ELAVL2: variants seen among roughly 807,000 people sequenced by gnomAD.
ELAVL2 encodes ELAV like RNA binding protein 2.
Under a neutral mutation model 34.6 loss-of-function variants are expected in ELAVL2, and 4 were observed. That is an observed-to-expected ratio of 0.12 (90% confidence interval 0.06 to 0.26). The LOEUF is 0.26. Ranked by LOEUF, ELAVL2 falls within the 10% of genes least tolerant of loss-of-function variation. ELAVL2 has a pLI of 1.00. For synonymous variants in ELAVL2, 193 were observed against 154.8 expected, an observed-to-expected ratio of 1.25 and a Z score of -1.83; for missense variants, 432 against 442.8, an observed-to-expected ratio of 0.98 and a Z score of 0.22.
chr9:23,826,644 G>T (rs1024079846), upstream of ELAVL2, among the ~76,000 whole-genome samples: 28 of 152,320 alleles, frequency 1.8e-4, no homozygotes, highest in East Asian at 1.5e-3. Context: ...GATATGGCAC[G>T]ATCTCCTTTC....
rs552643138 is a variant in ELAVL2 at position 23,743,495 on chromosome 9, T to C, written c.230-12370A>G. Among the ~76,000 whole-genome samples the C allele has an allele frequency of 3.3e-5, 5 of 152,294 alleles. No individual in the cohort carries two copies. The South Asian group carries it at 6.2e-4, about 19-fold the overall frequency. ...TGGCACCATCCACATCAGCATGGTA[T>C]AGTAAACGCATTATCCTGCCGAATG... On this transcript the variant is annotated intron_variant, in intron 2 of 6. Coordinates refer to ENST00000397312, the MANE Select transcript of ELAVL2 (RefSeq NM_004432.5).
At chr9:23,711,633 A>C (rs1302762864) in intron 3 of ELAVL2, among the ~76,000 whole-genome samples, 1 of 152,180 alleles carries the variant, frequency 6.6e-6, no homozygotes, top group East Asian at 1.9e-4. Flanking sequence ...AGTCAACACT[A>C]ATCAGTCCTC....
chr9:23,705,054 T>G lies in ELAVL2; in HGVS notation c.351A>C (p.Pro117=). Reference sequence around the variant, plus strand: ...TTGCATCTCTGATAGAAGCTGAACTTGGGCGAGCATAGGAAACCTGGAAAA... The same window carrying G: ...TTGCATCTCTGATAGAAGCTGAACTGGGGCGAGCATAGGAAACCTGGAAAA... ...TKTIKVSYAR[P]SSASIRDANL... Residue 117 remains proline (P), a synonymous_variant, in exon 4 of 7, where the codon CCA becomes CCC. Transcript: ENST00000397312. The G allele has an allele frequency of 1.9e-6, 3 of 1,614,144 alleles. No individual in the cohort carries two copies. The highest frequency in any genetic ancestry group is 2.5e-6 in the Non-Finnish European group (3 of 1,179,990).
intron 2 of ELAVL2, among the ~76,000 whole-genome samples, chr9:23,761,504 A>G (rs1444223291): frequency 6.6e-6 from 1 of 152,102 alleles, no homozygotes; most frequent in Non-Finnish European, 1.5e-5. Context: ...AACGGAACAT[A>G]AGATCTCATC....
chr9:23,801,879 G>A (rs541715113), intron 1 of ELAVL2, among the ~76,000 whole-genome samples: 2 of 152,242 alleles, frequency 1.3e-5, no homozygotes, highest in South Asian at 4.1e-4. Flanking sequence ...AACAAGCGCT[G>A]CAAATAGGAA....
At chr9:23,722,668 A>G (rs1392697428) in intron 3 of ELAVL2, among the ~76,000 whole-genome samples, 1 of 152,252 alleles carries the variant, frequency 6.6e-6, no homozygotes, top group East Asian at 1.9e-4. Flanking sequence ...AACAAAAGCT[A>G]CGGCATCAGC....
At chr9:23,696,640 T>C (rs1013514343) in intron 5 of ELAVL2, among the ~76,000 whole-genome samples, 1 of 151,908 alleles carries the variant, frequency 6.6e-6, no homozygotes, top group African/African-American at 2.4e-5. Flanking sequence ...CGGCTAATTT[T>C]TTTTGTATTT....
chr9:23,784,503 T>TGG (rs1474843695), intron 1 of ELAVL2, among the ~76,000 whole-genome samples: 1 of 152,136 alleles, frequency 6.6e-6, no homozygotes, highest in Non-Finnish European at 1.5e-5. Flanking sequence ...TAGGTAGTGT[T>TGG]GGGGGCAGTG....
chr9:23,780,297 C>T (rs571677078), intron 1 of ELAVL2, among the ~76,000 whole-genome samples: 1 of 152,054 alleles, frequency 6.6e-6, no homozygotes, highest in African/African-American at 2.4e-5. Context: ...AGAGAATTTT[C>T]TAAACAGAAT....
rs1432194939 is a variant in ELAVL2, at chr9:23,691,512, C to A, written c.*1045G>T. 1 of 152,424 alleles carries A rather than the reference C, an allele frequency of 6.6e-6. No individual in the cohort carries two copies. The highest frequency in any genetic ancestry group is 2.4e-5 in the African/African-American group (1 of 41,390). The allele number at this position is 152,424 out of a possible 1,614,324, so 9.4% of individuals were successfully genotyped here. On this transcript the variant is annotated 3_prime_UTR_variant, in exon 7 of 7. Transcript: ENST00000397312. The stretch of plus-strand genomic sequence containing the variant: ...TCTGAAGGGATTTCTTTAGGAAGAA[C>A]AGATTTTTTCCCCCATCTCTCGGTA...
At chr9:23,755,751 T>C (rs1000949537) in intron 2 of ELAVL2, among the ~76,000 whole-genome samples, 2 of 152,228 alleles carry the variant, frequency 1.3e-5, no homozygotes, top group Non-Finnish European at 2.9e-5. Flanking sequence ...ACACACAACC[T>C]TTCTGCCATC....
At chr9:23,837,376 G>A in the ELAVL2 span, among the ~76,000 whole-genome samples, 7 of 152,116 alleles carry the variant, frequency 4.6e-5, no homozygotes, top group Non-Finnish European at 7.4e-5. Context: ...TATTTATCCC[G>A]CTAACTAGCT....
In ELAVL2 at chr9:23,817,733, A is replaced by C. The variant is rs3793604; in HGVS notation, c.-16+8073T>G. The stretch of plus-strand genomic sequence containing the variant: ...CTTACTAAAATGAAACATATGATAC[A>C]CATCACACAAGCTGAAAGCCAAATC... On this transcript the variant is annotated intron_variant, in intron 1 of 6. Transcript: ENST00000397312. Among the ~76,000 whole-genome samples, 1,310 of 152,348 alleles carry C rather than the reference A, an allele frequency of 8.6e-3. 18 individuals are homozygous for C. Among genetic ancestry groups the C allele is most frequent in the East Asian group, 0.028 (144 of 5,180 alleles).
At chr9:23,716,708 T>C (rs558333085) in intron 3 of ELAVL2, among the ~76,000 whole-genome samples, 16 of 152,170 alleles carry the variant, frequency 1.1e-4, no homozygotes, top group Admixed American at 2.6e-4. Context: ...AAAGGAAATG[T>C]ATAGTTAAGA....
chr9:23,779,690 C>T (rs2058770638), intron 1 of ELAVL2, among the ~76,000 whole-genome samples: 1 of 151,928 alleles, frequency 6.6e-6, no homozygotes, highest in Non-Finnish European at 1.5e-5. Flanking sequence ...GAGGAGGAGA[C>T]ACCACCATCC....
intron 1 of ELAVL2, among the ~76,000 whole-genome samples, chr9:23,773,273 C>T (rs2057630117): frequency 6.6e-6 from 1 of 152,152 alleles, no homozygotes; most frequent in South Asian, 2.1e-4. Context: ...CCCTTCTTAG[C>T]CTCAGACCTT....
At chr9:23,706,403 TG>T (rs1399849955) in intron 3 of ELAVL2, among the ~76,000 whole-genome samples, 6 of 152,174 alleles carry the variant, frequency 3.9e-5, no homozygotes, top group African/African-American at 1.4e-4. Flanking sequence ...AATACCCCAT[TG>T]ATCATGCAGA....
chr9:23,797,199 T>A (rs772334434), intron 1 of ELAVL2, among the ~76,000 whole-genome samples: 1 of 152,224 alleles, frequency 6.6e-6, no homozygotes, highest in Non-Finnish European at 1.5e-5. Flanking sequence ...TGAATCCTAC[T>A]AATTCTACTT....
At position 23,811,590 on chromosome 9, in the gene ELAVL2, C is replaced by CA. The variant is rs538683634; in HGVS notation, c.-16+14215dup. 2.7e-4 allele frequency among the ~76,000 whole-genome samples: 41 copies of CA among 152,250 alleles called. No homozygotes were observed. The South Asian group carries it at 3.1e-3, about 12-fold the overall frequency. ...ACTATATTCCCAAAAGGGAGGAAGT[C>CA]AAAAAAGTTGTAATTATTTTGACTT... On this transcript the variant is annotated intron_variant, in intron 1 of 6. Coordinates refer to ENST00000397312, the MANE Select transcript of ELAVL2 (RefSeq NM_004432.5).
Sources: gnomAD v4.1 joint callset for allele counts (sites outside exome capture counted in the v4.1 genomes callset) on GRCh38, gnomAD v4.1.1 for gene constraint, MANE v1.5 for transcripts, NCBI Gene and HGNC (gene_info 2026-07-23, HGNC 2026-07-21) for gene names.